The following SPEN variants were observed in gnomAD, a reference collection of about 807,000 sequenced individuals.
SPEN encodes the protein msx2-interacting protein.
In SPEN, 18 loss-of-function variants were observed where a neutral mutation model predicts 269.9. The observed-to-expected ratio is 0.07, with a 90% confidence interval of 0.05 to 0.10. SPEN has a LOEUF of 0.10. Among genes scored for constraint, SPEN ranks in the 10% least tolerant of loss-of-function variants. The pLI, the probability that SPEN is intolerant of heterozygous loss-of-function variation, is 1.00. For synonymous variants in SPEN, 1,726 were observed against 1,765.7 expected (o/e 0.98, Z 0.56); for missense variants, 3,822 against 4,631.2 (o/e 0.83, Z 5.07).
At chr1:15,908,842 G>A (rs2070985858) in intron 3 of SPEN, among the ~76,000 whole-genome samples, 1 of 152,130 alleles carries the variant, frequency 6.6e-6, no homozygotes, top group South Asian at 2.1e-4. Flanking sequence ...GTTTCATTAT[G>A]TTGGCTGATA....
At chr1:15,905,110 A>T (rs1030830977) in intron 3 of SPEN, among the ~76,000 whole-genome samples, 1 of 150,358 alleles carries the variant, frequency 6.7e-6, no homozygotes, top group Admixed American at 6.6e-5. Flanking sequence ...CTGGTCTCAG[A>T]CTCCTGACCT....
At chr1:15,865,943 T>C (rs186149347) in intron 1 of SPEN, among the ~76,000 whole-genome samples, 2 of 151,792 alleles carry the variant, frequency 1.3e-5, no homozygotes, top group East Asian at 3.9e-4. Flanking sequence ...TGATCTCAGC[T>C]CACTGCAGCC....
chr1:15,929,849 A>G lies in SPEN; in HGVS notation c.3609A>G (p.Glu1203=), dbSNP rs1387635932. ...CTAAAAAAGATGTAGATGAATATGA[A>G]AGACGTAGCCTCGTTCACGAGGTAG... is the stretch of plus-strand genomic sequence containing the variant. ...GSPKKDVDEY[E]RRSLVHEVGK... is the part of the protein sequence containing the mutation. Residue 1203 remains glutamate, a synonymous_variant, in exon 11 of 15, where the codon GAA becomes GAG. Transcript: ENST00000375759. This position sits in a 1 kb window ranked among gnomAD's most constrained non-coding sequence, Gnocchi z 5.8. The G allele has an allele frequency of 6.2e-7, 1 of 1,614,080 alleles. No homozygotes were observed. The highest frequency in any genetic ancestry group is 1.3e-5 in the African/African-American group (1 of 74,942).
intron 3 of SPEN, among the ~76,000 whole-genome samples, chr1:15,901,576 G>A (rs1363415349): frequency 6.6e-6 from 1 of 150,820 alleles, no homozygotes; most frequent in African/African-American, 2.4e-5. Flanking sequence ...TTTGAACCTG[G>A]GGATCGGAAG....
At chr1:15,859,392 C>T (rs1240367824) in intron 1 of SPEN, among the ~76,000 whole-genome samples, 1 of 128,154 alleles carries the variant, frequency 7.8e-6, no homozygotes, top group African/African-American at 3.0e-5. Context: ...GAGTCTTGCT[C>T]TGTCGCCCAG....
At chr1:15,918,528 A>G (rs992301686) in intron 6 of SPEN, among the ~76,000 whole-genome samples, 1 of 152,244 alleles carries the variant, frequency 6.6e-6, no homozygotes, top group Non-Finnish European at 1.5e-5. Context: ...CAGATATCAT[A>G]TTTTAAATGG....
chr1:15,899,548 T>G (rs2070879615), intron 3 of SPEN, among the ~76,000 whole-genome samples: 1 of 148,446 alleles, frequency 6.7e-6, no homozygotes, highest in Admixed American at 6.8e-5. Flanking sequence ...TTTTTTTTTT[T>G]TTTTTTTTTT....
chr1:15,847,783 C>T lies in SPEN; in HGVS notation c.-285C>T. ...CCCGTGTCCCGCTCGCCCCTCCTCC[C>T]GCTCCCCCGCCCGCCCCTGCCCGGG... is the stretch of plus-strand genomic sequence containing the variant. On this transcript the variant is annotated 5_prime_UTR_variant, in exon 1 of 15. Transcript: ENST00000375759. 4.7e-6 allele frequency: 1 copy of T among 212,314 alleles called. No homozygotes were observed. The highest frequency in any genetic ancestry group is 9.4e-6 in the Non-Finnish European group (1 of 105,914). 13.2% of individuals were successfully genotyped at this position (212,314 alleles called of 1,614,324 possible).
chr1:15,911,998 A>T (rs991756085), intron 5 of SPEN, among the ~76,000 whole-genome samples: 1 of 152,182 alleles, frequency 6.6e-6, no homozygotes. Context: ...CAAATTACTT[A>T]ATATTGATGT....
chr1:15,924,563 C>T (rs1044720184), intron 10 of SPEN, among the ~76,000 whole-genome samples: 4 of 152,048 alleles, frequency 2.6e-5, no homozygotes, highest in Non-Finnish European at 4.4e-5. Flanking sequence ...TGGGTTCAAG[C>T]GATTCTCCTG....
intron 2 of SPEN, 192 bp downstream of exon 2, chr1:15,873,328 G>A (rs12070169): frequency 1.0e-6 from 1 of 985,370 alleles, no homozygotes; most frequent in Non-Finnish European, 1.2e-6. Flanking sequence ...ATTTCCTGCA[G>A]CTGATTGGAT....
At chr1:15,879,916 C>T (rs966166082) in intron 3 of SPEN, among the ~76,000 whole-genome samples, 7 of 152,206 alleles carry the variant, frequency 4.6e-5, no homozygotes, top group South Asian at 2.1e-4. Flanking sequence ...GCCATCCGCC[C>T]GCCTCGACCT....
chr1:15,849,725 T>A (rs1445862476), intron 1 of SPEN, among the ~76,000 whole-genome samples: 1 of 152,058 alleles, frequency 6.6e-6, no homozygotes, highest in Non-Finnish European at 1.5e-5. Context: ...CTGGCGCTGC[T>A]CCACCCCTTA....
chr1:15,894,728 C>T (rs550647013), intron 3 of SPEN, among the ~76,000 whole-genome samples: 61 of 151,608 alleles, frequency 4.0e-4, no homozygotes, highest in African/African-American at 1.3e-3. Context: ...TTAGTAGAGA[C>T]GGGGTTTCAC....
At position 15,930,823 on chromosome 1, in the gene SPEN, C is replaced by T. The variant is rs997350724; in HGVS notation, c.4583C>T (p.Ser1528Phe). The T allele has an allele frequency of 6.2e-7, 1 of 1,614,022 alleles. No homozygotes were observed. The highest frequency in any genetic ancestry group is 1.3e-5 in the African/African-American group (1 of 74,924). ...EEQERQELFA[S>F]RFLHSSIFEQ... Reference sequence around the variant, plus strand: ...CAAGAGAGGCAGGAATTGTTTGCTTCTCGTTTTTTACACAGCTCAATCTTT... The same window carrying T: ...CAAGAGAGGCAGGAATTGTTTGCTTTTCGTTTTTTACACAGCTCAATCTTT... Residue 1528 changes from serine to phenylalanine, a missense_variant, in exon 11 of 15, where the codon TCT (serine) becomes TTT (phenylalanine). Ser to Phe is a radical substitution (Grantham distance 155). Around this residue, in one of 16 missense-constraint regions of SPEN, gnomAD observed 533 missense variants for 618.8 expected, o/e 0.86. Coordinates refer to ENST00000375759, the MANE Select transcript of SPEN (RefSeq NM_015001.3). The surrounding 1 kb of genome is among the most constrained non-coding windows in gnomAD (Gnocchi z 5.3).
intron 9 of SPEN, among the ~76,000 whole-genome samples, chr1:15,921,507 ATCT>A (rs763217698): frequency 6.6e-6 from 1 of 152,156 alleles, no homozygotes; most frequent in East Asian, 1.9e-4. Context: ...TTCCCTAAAA[ATCT>A]TCTCATTCAA....
Position 15,937,157 on chromosome 1 carries a change from C to T in SPEN, c.10027-6C>T, listed in dbSNP as rs768974651. 2 of 1,608,220 alleles carry T rather than the reference C, an allele frequency of 1.2e-6. No individual in the cohort carries two copies. The highest frequency in any genetic ancestry group is 2.7e-5 in the African/African-American group (2 of 74,706). The stretch of plus-strand genomic sequence containing the variant: ...TCTGTCCCTTTGCCTTCCTTCCCTA[C>T]ACCAGGGCCCTCCTCCTGAAGGTGA... On this transcript the variant is annotated splice_polypyrimidine_tract_variant and splice_region_variant and intron_variant, in intron 11 of 14. Transcript: ENST00000375759. The surrounding 1 kb of genome is among the most constrained non-coding windows in gnomAD (Gnocchi z 5.7).
chr1:15,864,044 A>C (rs950842256), intron 1 of SPEN, among the ~76,000 whole-genome samples: 6 of 152,194 alleles, frequency 3.9e-5, no homozygotes, highest in Admixed American at 3.9e-4. Context: ...ACATTTGAAG[A>C]CACTATGTAA....
At position 15,934,659 on chromosome 1, in the gene SPEN, C is replaced by T. The variant is rs764040616; in HGVS notation, c.8419C>T (p.Arg2807Cys). ...PADAGSGAGL[R>C]VNTSEGVVLL... The stretch of plus-strand genomic sequence containing the variant: ...AGACGCGGGCTCAGGGGCGGGGCTG[C>T]GTGTGAACACTTCTGAAGGGGTTGT... The change falls in exon 11 of 15, where the codon CGT (arginine) becomes TGT (cysteine). Residue 2807 changes from arginine to cysteine, a missense_variant. Coordinates refer to ENST00000375759, the MANE Select transcript of SPEN (RefSeq NM_015001.3). The surrounding 1 kb of genome is among the most constrained non-coding windows in gnomAD (Gnocchi z 9.2). The T allele has an allele frequency of 1.9e-6, 3 of 1,613,902 alleles. No individual in the cohort carries two copies. The highest frequency in any genetic ancestry group is 1.7e-5 in the Admixed American group (1 of 60,006).
Sources: allele counts gnomAD v4.1 joint callset (sites outside exome capture counted in the v4.1 genomes callset), GRCh38; gene constraint gnomAD v4.1.1; regional missense constraint gnomAD v4.1.1; non-coding constraint Gnocchi (gnomAD v3.1); transcripts MANE v1.5; gene names NCBI Gene and HGNC (gene_info 2026-07-23, HGNC 2026-07-21).